RAP1A: variants seen among roughly 807,000 people sequenced by gnomAD.
RAP1A encodes the protein ras-related protein Rap-1A.
Under a neutral mutation model 26.4 loss-of-function variants are expected in RAP1A, and 6 were observed. The ratio of observed to expected loss-of-function variants is 0.23; its 90% CI spans 0.12 to 0.45. RAP1A has a LOEUF of 0.45. RAP1A is among the 20% of genes least tolerant of loss of function. The pLI is 0.99. For missense variants in RAP1A, 121 were observed against 217.2 expected, an observed-to-expected ratio of 0.56 and a Z score of 2.78; for synonymous variants, 73 against 79.4, an observed-to-expected ratio of 0.92 and a Z score of 0.43.
intron 1 of RAP1A, among the ~76,000 whole-genome samples, chr1:111,550,298 T>G (rs1657209118): frequency 2.0e-5 from 3 of 152,204 alleles, no homozygotes; most frequent in Admixed American, 2.0e-4. Flanking sequence ...ATTGATTTTC[T>G]CTAATATTTT....
chr1:111,551,289 A>G (rs1657247938), intron 1 of RAP1A, among the ~76,000 whole-genome samples: 1 of 152,048 alleles, frequency 6.6e-6, no homozygotes, highest in African/African-American at 2.4e-5. Flanking sequence ...TGTATTATGT[A>G]TATGTCTTAT....
chr1:111,672,236 TA>T (rs1173664197), intron 1 of RAP1A, among the ~76,000 whole-genome samples: 1 of 152,226 alleles, frequency 6.6e-6, no homozygotes, highest in African/African-American at 2.4e-5. Context: ...TTGTATGCTT[TA>T]ATTTATATTT....
intron 1 of RAP1A, among the ~76,000 whole-genome samples, chr1:111,686,123 G>A (rs1481860946): frequency 6.6e-6 from 1 of 151,776 alleles, no homozygotes; most frequent in African/African-American, 2.4e-5. Context: ...GGGGCCTGTC[G>A]GGGGGTGGGG....
chr1:111,660,526 G>A (rs761805326), intron 1 of RAP1A, among the ~76,000 whole-genome samples: 3 of 152,140 alleles, frequency 2.0e-5, no homozygotes, highest in Non-Finnish European at 2.9e-5. Flanking sequence ...GTATGTGGAA[G>A]TTAACCAATT....
At chr1:111,684,155 CA>C (rs1423005203) in intron 1 of RAP1A, among the ~76,000 whole-genome samples, 1 of 152,128 alleles carries the variant, frequency 6.6e-6, no homozygotes, top group Non-Finnish European at 1.5e-5. Context: ...ACTGATGGAA[CA>C]TATCCCAAAA....
At position 111,580,102 on chromosome 1, in the gene RAP1A, A is replaced by C. The variant is rs528134838; in HGVS notation, c.-28+37593A>C. On this transcript the variant is annotated intron_variant, in intron 1 of 7. Transcript: ENST00000356415. The stretch of plus-strand genomic sequence containing the variant: ...TGAGACACTGCTCCCGGCTGCCTGT[A>C]ACTTATTGAATACTGAACTAAAAGT... Among the ~76,000 whole-genome samples the C allele has an allele frequency of 2.6e-5, 4 of 152,238 alleles. No individual in the cohort carries two copies. The East Asian group carries it at 7.7e-4, about 29-fold the overall frequency.
At chr1:111,645,839 A>G (rs1309355848) in intron 1 of RAP1A, among the ~76,000 whole-genome samples, 2 of 152,214 alleles carry the variant, frequency 1.3e-5, no homozygotes, top group Non-Finnish European at 2.9e-5. Context: ...TTAACTACTA[A>G]GCTACACTGT....
chr1:111,663,680 C>G (rs2101163468), intron 1 of RAP1A, among the ~76,000 whole-genome samples: 1 of 152,322 alleles, frequency 6.6e-6, no homozygotes, highest in South Asian at 2.1e-4. Context: ...AGGTCTTAGG[C>G]ATTAGTGTTA....
intron 1 of RAP1A, chr1:111,604,746 TCC>T (rs1658738228): frequency 1.3e-5 from 2 of 152,226 alleles, no homozygotes; most frequent in Non-Finnish European, 2.9e-5. Flanking sequence ...TATAAATTCA[TCC>T]TCAAAATAAT....
Position 111,556,149 on chromosome 1 carries a change from C to A in RAP1A, c.-28+13640C>A, listed in dbSNP as rs573228457. Among the ~76,000 whole-genome samples the A allele has an allele frequency of 3.0e-4, 45 of 152,190 alleles. 1 individual carries two copies. The highest frequency in any genetic ancestry group is 1.0e-3 in the African/African-American group (43 of 41,526). On this transcript the variant is annotated intron_variant, in intron 1 of 7. Coordinates refer to the RAP1A transcript ENST00000356415. ...TTCTCCAAAGAGATATACAAATGGT[C>A]AGTAAGTAAATAAAAAGATATTCAA...
chr1:111,566,351 C>T (rs1408465525), intron 1 of RAP1A, among the ~76,000 whole-genome samples: 1 of 152,132 alleles, frequency 6.6e-6, no homozygotes, highest in Non-Finnish European at 1.5e-5. Context: ...GTTGGCTAGA[C>T]TTGTCATTGG....
At chr1:111,700,380 G>A (rs1421307939) in intron 4 of RAP1A, among the ~76,000 whole-genome samples, 1 of 152,172 alleles carries the variant, frequency 6.6e-6, no homozygotes, top group Non-Finnish European at 1.5e-5. Flanking sequence ...AAGGCAAAGA[G>A]GAGTAGGTGT....
chr1:111,686,620 G>A (rs1661487606), intron 1 of RAP1A: 1 of 150,010 alleles, frequency 6.7e-6, no homozygotes, highest in Non-Finnish European at 1.5e-5. Flanking sequence ...GAGCAAGGGA[G>A]GTGGAGACTG....
chr1:111,650,143 G>C (rs1469776192), intron 1 of RAP1A, among the ~76,000 whole-genome samples: 1 of 67,456 alleles, frequency 1.5e-5, no homozygotes, highest in African/African-American at 5.6e-5. Flanking sequence ...TGTCTCATTT[G>C]ATCTTCACAA....
At chr1:111,672,669 C>T (rs1213916385) in intron 1 of RAP1A, among the ~76,000 whole-genome samples, 4 of 152,126 alleles carry the variant, frequency 2.6e-5, no homozygotes, top group African/African-American at 9.7e-5. Flanking sequence ...GCTCTGATGC[C>T]TTTTCTAACC....
At chr1:111,650,595 A>C (rs116833832) in intron 1 of RAP1A, 1 of 152,156 alleles carries the variant, frequency 6.6e-6, no homozygotes, top group Non-Finnish European at 1.5e-5. Flanking sequence ...GATTTCTCGT[A>C]TATCTTCTGC....
intron 1 of RAP1A, among the ~76,000 whole-genome samples, chr1:111,606,017 A>G (rs1047668696): frequency 1.4e-4 from 22 of 152,190 alleles, no homozygotes; most frequent in African/African-American, 5.3e-4. Flanking sequence ...TGAGGGCCCA[A>G]ATGCCTCTGC....
intron 4 of RAP1A, 21 bp from the exon 5 acceptor site, chr1:111,703,315 T>TG: frequency 2.7e-6 from 4 of 1,471,110 alleles, no homozygotes; most frequent in Non-Finnish European, 3.7e-6. Flanking sequence ...TATTTATAAT[T>TG]GCATATTTTT....
intron 1 of RAP1A, chr1:111,604,722 T>C (rs1374978853): frequency 2.0e-5 from 3 of 152,152 alleles, no homozygotes; most frequent in Non-Finnish European, 2.9e-5. Flanking sequence ...GGCAAGGAGG[T>C]GAATTTCCTT....
Sources: allele counts gnomAD v4.1 joint callset (sites outside exome capture counted in the v4.1 genomes callset), GRCh38; gene constraint gnomAD v4.1.1; transcripts MANE v1.5; gene names NCBI Gene and HGNC (gene_info 2026-07-23, HGNC 2026-07-21).